The following HOMER3 variants were observed in gnomAD, a reference collection of about 807,000 sequenced individuals.
HOMER3 encodes the protein homer scaffold protein 3, also known as homer protein homolog 3.
A neutral mutation model predicts 45.5 loss-of-function variants in HOMER3; 34 were observed. That is an observed-to-expected ratio of 0.75 (90% CI 0.57 to 1.00). HOMER3 has a LOEUF of 1.00. Among genes scored for constraint, HOMER3 ranks in the 50% least tolerant of loss-of-function variants. The probability of loss-of-function intolerance (pLI) is 0.00; values close to 1 mark genes in which losing one functional copy is unlikely to be tolerated. For synonymous variants in HOMER3, 223 were observed against 208.8 expected (o/e 1.07, Z -0.58); for missense variants, 480 against 497.5 (o/e 0.96, Z 0.33).
intron 5 of HOMER3, among the ~76,000 whole-genome samples, chr19:18,933,350 G>A (rs2057059168): frequency 6.6e-6 from 1 of 152,168 alleles, no homozygotes; most frequent in Non-Finnish European, 1.5e-5. Flanking sequence ...TAGGGGAGGG[G>A]TACAATCGGA....
At chr19:18,935,134 CTTT>C (rs796725352) in intron 4 of HOMER3, among the ~76,000 whole-genome samples, 19 of 112,932 alleles carry the variant, frequency 1.7e-4, no homozygotes, top group African/African-American at 4.0e-4. Flanking sequence ...AGCACCCAGC[CTTT>C]TTTTTTTTTT....
chr19:18,939,312 G>A, intron 1 of HOMER3: 2 of 306,046 alleles, frequency 6.5e-6, no homozygotes, highest in Middle Eastern at 9.6e-4. Context: ...GTGGTGGCAT[G>A]TGCCTGCCGT....
intron 6 of HOMER3, among the ~76,000 whole-genome samples, chr19:18,932,639 G>A (rs932636622): frequency 6.6e-6 from 1 of 152,086 alleles, no homozygotes; most frequent in African/African-American, 2.4e-5. Flanking sequence ...CAGCCGATGG[G>A]GGCGTGGTCA....
chr19:18,933,979 T>C (rs1039249885), intron 5 of HOMER3, among the ~76,000 whole-genome samples: 4 of 152,138 alleles, frequency 2.6e-5, no homozygotes, highest in Admixed American at 6.6e-5. Flanking sequence ...TTGCTGGGAT[T>C]ACAGGCGTGA....
chr19:18,935,580 C>A (rs1329767883), intron 4 of HOMER3, among the ~76,000 whole-genome samples: 2 of 152,102 alleles, frequency 1.3e-5, no homozygotes, highest in East Asian at 3.8e-4. Context: ...AGAAAGTAAT[C>A]ATCTCATTCT....
intron 4 of HOMER3, among the ~76,000 whole-genome samples, chr19:18,936,630 C>T (rs1341200858): frequency 6.6e-6 from 1 of 150,796 alleles, no homozygotes; most frequent in African/African-American, 2.4e-5. Flanking sequence ...CGGGCCACTG[C>T]ACTCCAGCCT....
In HOMER3 at chr19:18,932,026, T is replaced by G. The variant is rs1454168667; in HGVS notation, c.640A>C (p.Arg214=). Residue 214 remains arginine, a synonymous_variant, in exon 7 of 10, where the codon AGG becomes CGG. Transcript: ENST00000392351. The part of the protein sequence containing the change: ...REANAAAAQW[R]QQLEAQRAEA... The stretch of plus-strand genomic sequence containing the variant: ...GCACGCTGAGCCTCCAGCTGCTGCC[T>G]CCACTGGGCTGCGGCGGCGTTGGCC... 1.1e-5 allele frequency: 17 copies of G among 1,549,442 alleles called. No individual in the cohort carries two copies. Among genetic ancestry groups the G allele is most frequent in the Non-Finnish European group, 1.5e-5 (17 of 1,147,606 alleles).
At chr19:18,936,317 AAAAT>A (rs57691524) in intron 4 of HOMER3, among the ~76,000 whole-genome samples, 34 of 139,058 alleles carry the variant, frequency 2.4e-4, no homozygotes, top group African/African-American at 8.9e-4. Flanking sequence ...CTGTCTCAAA[AAAAT>A]AAATAAATAA....
Position 18,936,537 on chromosome 19 carries a change from G to A in HOMER3, c.303+1816C>T, listed in dbSNP as rs59980865. 6.9e-3 allele frequency among the ~76,000 whole-genome samples: 1,047 copies of A among 151,276 alleles called. 9 individuals carry two copies. Among genetic ancestry groups the A allele is most frequent in the African/African-American group, 0.024 (984 of 41,158 alleles). The stretch of plus-strand genomic sequence containing the variant: ...AATACAAAAATTAGCCAGGTGTGGT[G>A]TGTCTGTAATCCCAACTACTTGGGA... On this transcript the variant is annotated intron_variant, in intron 4 of 9. Coordinates refer to ENST00000392351, the MANE Select transcript of HOMER3 (RefSeq NM_004838.4).
rs771284660 is a variant in HOMER3 at position 18,936,454 on chromosome 19, T to G, written c.303+1899A>C. On this transcript the variant is annotated intron_variant, in intron 4 of 9. Coordinates refer to ENST00000392351, the MANE Select transcript of HOMER3 (RefSeq NM_004838.4). Reference sequence around the variant, plus strand: ...GAGTTTGAGACCAGCCTGGCCAACATAGTGAAACCCTGTCTCTGCTAAGAA... The same window carrying G: ...GAGTTTGAGACCAGCCTGGCCAACAGAGTGAAACCCTGTCTCTGCTAAGAA... Among the ~76,000 whole-genome samples the G allele has an allele frequency of 7.2e-4, 108 of 150,440 alleles. 2 individuals carry two copies. The highest frequency in any genetic ancestry group is 3.6e-3 in the Middle Eastern group (1 of 276).
At chr19:18,938,586 T>C (rs2057119578) in intron 3 of HOMER3, 102 bp from the exon 4 acceptor site, 2 of 1,514,324 alleles carry the variant, frequency 1.3e-6, no homozygotes, top group East Asian at 4.5e-5. Flanking sequence ...GTCTTTACTC[T>C]GAACCCTTTC....
chr19:18,938,605 G>A, intron 3 of HOMER3, 121 bp from the exon 4 acceptor site: 2 of 1,498,488 alleles, frequency 1.3e-6, no homozygotes, highest in South Asian at 1.2e-5. Flanking sequence ...TCAGGAGATA[G>A]AGACTAGGGC....
intron 9 of HOMER3, among the ~76,000 whole-genome samples, chr19:18,930,940 G>A (rs1342489249): frequency 6.6e-6 from 1 of 151,634 alleles, no homozygotes; most frequent in African/African-American, 2.4e-5. Context: ...CCCGGGAGGT[G>A]GAGGTTGCAG....
chr19:18,931,153 A>G (rs1468944197), intron 9 of HOMER3, 172 bp downstream of exon 9: 1 of 592,478 alleles, frequency 1.7e-6, no homozygotes, highest in Non-Finnish European at 3.0e-6. Flanking sequence ...GAACCCATAG[A>G]TGGATATGAA....
rs1056363517 is a variant in HOMER3 at position 18,932,061 on chromosome 19, G to C, written c.605C>G (p.Ala202Gly). 1 of 1,560,288 alleles carries C rather than the reference G, an allele frequency of 6.4e-7. No individual in the cohort carries two copies. Among genetic ancestry groups the C allele is most frequent in the South Asian group, 1.2e-5 (1 of 84,802 alleles). The stretch of plus-strand genomic sequence containing the variant: ...TGCGGCGGCGTTGGCCTCTCGCAGG[G>C]CGCCTGCCAGCTTGTTGTTGCTGTC... ...LQDSNNKLAGALREANAAAAQ... is the reference protein window; with the variant it reads ...LQDSNNKLAGGLREANAAAAQ... Residue 202 changes from alanine to glycine, a missense_variant, in exon 7 of 10, where the codon GCC becomes GGC. Transcript: ENST00000392351.
intron 6 of HOMER3, among the ~76,000 whole-genome samples, chr19:18,932,436 G>C (rs893601559): frequency 6.6e-6 from 1 of 151,650 alleles, no homozygotes; most frequent in Non-Finnish European, 1.5e-5. Flanking sequence ...GAGGAGGGGT[G>C]GCTTTGGGCT....
intron 7 of HOMER3, 148 bp from the exon 8 acceptor site, chr19:18,931,773 C>A (rs2057035564): frequency 7.5e-6 from 11 of 1,469,096 alleles, no homozygotes; most frequent in Non-Finnish European, 9.9e-6. Context: ...CTCTGCACAG[C>A]TTGGACTTTA....
At chr19:18,933,202 C>T (rs746677006) in intron 5 of HOMER3, among the ~76,000 whole-genome samples, 157 bp from the exon 6 acceptor site, 8 of 152,066 alleles carry the variant, frequency 5.3e-5, no homozygotes, top group Non-Finnish European at 8.8e-5. Context: ...ACCTCACCCA[C>T]CCTCCATGGC....
Position 18,931,612 on chromosome 19 carries a change from T to A in HOMER3, c.704A>T (p.Glu235Val). The A allele has an allele frequency of 6.2e-7, 1 of 1,608,678 alleles. No homozygotes were observed. The highest frequency in any genetic ancestry group is 8.5e-7 in the Non-Finnish European group (1 of 1,177,784). ...ERLRQRVAEL[E>V]AQAASEVTPT... ...GGTCACCTCTGAAGCTGCCTGAGCC[T>A]CCAGCTCAGCCACCTGTAGGGCAGG... The change falls in exon 8 of 10, where the codon GAG becomes GTG. Residue 235 changes from glutamate to valine, a missense_variant. Glu to Val is a moderately radical substitution (Grantham distance 121). Coordinates refer to ENST00000392351, the MANE Select transcript of HOMER3 (RefSeq NM_004838.4).
Sources: allele counts gnomAD v4.1 joint callset (sites outside exome capture counted in the v4.1 genomes callset), GRCh38; gene constraint gnomAD v4.1.1; transcripts MANE v1.5; gene names NCBI Gene and HGNC (gene_info 2026-07-23, HGNC 2026-07-21).